GAS2L3: variants seen among roughly 807,000 people sequenced by gnomAD.
The protein encoded by GAS2L3 is GAS2-like protein 3.
Under a neutral mutation model 37.0 loss-of-function variants are expected in GAS2L3, and 28 were observed. The observed-to-expected ratio is 0.76, with a 90% CI of 0.56 to 1.04. The LOEUF is 1.04. Among genes scored for constraint, GAS2L3 ranks in the 50% least tolerant of loss-of-function variants. The pLI is 0.00. For missense variants in GAS2L3, 793 were observed against 817.6 expected, an observed-to-expected ratio of 0.97 and a Z score of 0.37; for synonymous variants, 290 against 296.6, an observed-to-expected ratio of 0.98 and a Z score of 0.23.
chr12:100,616,441 G>C (rs1415537206), intron 6 of GAS2L3, among the ~76,000 whole-genome samples: 2 of 151,328 alleles, frequency 1.3e-5, no homozygotes, highest in Non-Finnish European at 3.0e-5. Context: ...TGTTTTTGTT[G>C]CTTTGTTTTT....
intron 3 of GAS2L3, among the ~76,000 whole-genome samples, chr12:100,598,644 T>C (rs1373327256): frequency 6.6e-6 from 1 of 152,202 alleles, no homozygotes; most frequent in Non-Finnish European, 1.5e-5. Context: ...CATTTATATC[T>C]GTGTTAACTC....
intron 1 of GAS2L3, among the ~76,000 whole-genome samples, chr12:100,588,588 T>G (rs1955808620): frequency 6.6e-6 from 1 of 152,116 alleles, no homozygotes; most frequent in African/African-American, 2.4e-5. Flanking sequence ...AAACAGGGTT[T>G]GAGAGCAGAG....
Position 100,600,321 on chromosome 12 carries a change from A to T in GAS2L3, c.19-61A>T, listed in dbSNP as rs1296276359. The T allele has an allele frequency of 9.6e-6, 10 of 1,043,338 alleles. No individual in the cohort carries two copies. In the Admixed American group the frequency reaches 2.3e-4, roughly 24 times the overall value. The allele number at this position is 1,043,338 out of a possible 1,614,324, so 64.6% of individuals were successfully genotyped here. A position where few individuals can be genotyped will look rare whatever the true frequency, so the allele number is the denominator to read the frequency against. On this transcript the variant is annotated intron_variant, in intron 3 of 9. Coordinates refer to ENST00000547754, the MANE Select transcript of GAS2L3 (RefSeq NM_174942.3). ...CTTCATCATTTAAATATTGATGTGGATTATGATGACTTTTAGCAAAGGTTT... is the reference window on the plus strand; with the variant it reads ...CTTCATCATTTAAATATTGATGTGGTTTATGATGACTTTTAGCAAAGGTTT...
In GAS2L3 at chr12:100,593,764, C is replaced by T. The variant is rs905784362; in HGVS notation, c.-30-1111C>T. On this transcript the variant is annotated intron_variant, in intron 2 of 9. Transcript: ENST00000547754. Reference sequence around the variant, plus strand: ...GAAAATGTATTCCCCACTGAATTAGCTCGTGGGAAGCATAACAAGCTCATT... The same window carrying T: ...GAAAATGTATTCCCCACTGAATTAGTTCGTGGGAAGCATAACAAGCTCATT... 13 of 152,202 alleles carry T rather than the reference C, an allele frequency of 8.5e-5. 1 individual carries two copies. The highest frequency in any genetic ancestry group is 3.1e-4 in the African/African-American group (13 of 41,542). The allele number at this position is 152,202 out of a possible 1,614,324, so 9.4% of individuals were successfully genotyped here.
chr12:100,612,369 A>G, intron 6 of GAS2L3: 2 of 434,652 alleles, frequency 4.6e-6, no homozygotes, highest in Non-Finnish European at 8.1e-6. Context: ...TAAAATTCTG[A>G]ATTCCTAAAT....
chr12:100,610,841 T>C (rs1427783451), intron 5 of GAS2L3, among the ~76,000 whole-genome samples: 1 of 152,146 alleles, frequency 6.6e-6, no homozygotes, highest in Non-Finnish European at 1.5e-5. Flanking sequence ...AAATTAAGAT[T>C]CTGTGAAACT....
chr12:100,595,937 CCCT>C (rs1488856348), intron 3 of GAS2L3, among the ~76,000 whole-genome samples: 1 of 151,860 alleles, frequency 6.6e-6, no homozygotes, highest in Non-Finnish European at 1.5e-5. Context: ...TCTTTCCTTC[CCCT>C]CCTCCTTCTT....
chr12:100,590,496 G>A (rs1347435869), intron 1 of GAS2L3, among the ~76,000 whole-genome samples: 1 of 152,190 alleles, frequency 6.6e-6, no homozygotes. Context: ...AGATGCTGTG[G>A]AAAACAGTGT....
chr12:100,609,487 G>C (rs976738521), intron 5 of GAS2L3, among the ~76,000 whole-genome samples: 3 of 152,060 alleles, frequency 2.0e-5, no homozygotes, highest in Non-Finnish European at 4.4e-5. Context: ...GCACCTTATG[G>C]CTGCTGCCAG....
At chr12:100,599,706 C>G (rs1048931402) in intron 3 of GAS2L3, among the ~76,000 whole-genome samples, 6 of 152,188 alleles carry the variant, frequency 3.9e-5, no homozygotes, top group Non-Finnish European at 7.3e-5. Flanking sequence ...CTGCTATCTG[C>G]TAGGCTCAAT....
At chr12:100,618,868 A>G (rs964359444) in intron 8 of GAS2L3, among the ~76,000 whole-genome samples, 5 of 152,160 alleles carry the variant, frequency 3.3e-5, no homozygotes, top group East Asian at 1.9e-4. Context: ...ACAAGAATTC[A>G]TTGATTCTTT....
chr12:100,595,013 C>A, intron 3 of GAS2L3, 91 bp downstream of exon 3: 1 of 533,286 alleles, frequency 1.9e-6, no homozygotes, highest in South Asian at 3.6e-5. Context: ...TCACAGTGTT[C>A]TTATTGTGCT....
intron 8 of GAS2L3, among the ~76,000 whole-genome samples, chr12:100,620,805 A>G (rs1956243181): frequency 6.6e-6 from 1 of 152,050 alleles, no homozygotes; most frequent in South Asian, 2.1e-4. Context: ...ATCTCCTTTC[A>G]GATTACTTTG....
intron 7 of GAS2L3, 89 bp downstream of exon 7, chr12:100,617,896 A>T: frequency 1.4e-6 from 1 of 712,096 alleles, no homozygotes; most frequent in Non-Finnish European, 2.3e-6. Context: ...TTCTATAAAT[A>T]AAAAAATGCT....
intron 1 of GAS2L3, chr12:100,578,655 A>G (rs911160860): frequency 3.0e-5 from 9 of 298,974 alleles, no homozygotes; most frequent in African/African-American, 1.7e-4. Flanking sequence ...TGGGAGGTCC[A>G]GACACAGGTG....
chr12:100,584,343 C>A (rs1474640497), intron 1 of GAS2L3, among the ~76,000 whole-genome samples: 1 of 152,140 alleles, frequency 6.6e-6, no homozygotes, highest in African/African-American at 2.4e-5. Flanking sequence ...AGCAACTCTC[C>A]AACTGTTTCT....
intron 1 of GAS2L3, among the ~76,000 whole-genome samples, chr12:100,576,195 C>A (rs1231401375): frequency 6.6e-6 from 1 of 151,972 alleles, no homozygotes; most frequent in African/African-American, 2.4e-5. Context: ...AGTAGTATCT[C>A]CTCATTTATA....
rs185611187 is a variant in GAS2L3, at chr12:100,628,197, C to A, written c.*3307C>A. On this transcript the variant is annotated 3_prime_UTR_variant, in exon 10 of 10. Coordinates refer to ENST00000547754, the MANE Select transcript of GAS2L3 (RefSeq NM_174942.3). The stretch of plus-strand genomic sequence containing the variant: ...TTCACATAATAACCCCATTTGAATC[C>A]AAATTTGTGTATATTTTCTTATGCC... The A allele has an allele frequency of 2.0e-4, 31 of 152,220 alleles. No homozygotes were observed. The highest frequency in any genetic ancestry group is 6.7e-4 in the African/African-American group (28 of 41,534). The allele number at this position is 152,220 out of a possible 1,614,324, so 9.4% of individuals were successfully genotyped here.
At chr12:100,589,186 C>G (rs1299679147) in intron 1 of GAS2L3, among the ~76,000 whole-genome samples, 1 of 152,158 alleles carries the variant, frequency 6.6e-6, no homozygotes, top group African/African-American at 2.4e-5. Context: ...CTGCGGCTCC[C>G]TCCGTTTAGG....
Sources: gnomAD v4.1 joint callset for allele counts (sites outside exome capture counted in the v4.1 genomes callset) on GRCh38, gnomAD v4.1.1 for gene constraint, MANE v1.5 for transcripts, NCBI Gene and HGNC (gene_info 2026-07-23, HGNC 2026-07-21) for gene names.